The following CA10 variants were observed in gnomAD, a reference collection of about 807,000 sequenced individuals.
CA10 encodes carbonic anhydrase-related protein 10.
In CA10, 14 loss-of-function variants were observed where a neutral mutation model predicts 44.2. That is an observed-to-expected ratio of 0.32 (90% CI 0.21 to 0.50). The LOEUF (loss-of-function observed/expected upper bound fraction) is 0.50. Ranked by LOEUF, CA10 falls within the 20% of genes least tolerant of loss-of-function variation. The pLI, the probability that CA10 is intolerant of heterozygous loss-of-function variation, is 0.99. For synonymous variants in CA10, 159 were observed against 141.6 expected (o/e 1.12, Z -0.87); for missense variants, 350 against 409.7 (o/e 0.85, Z 1.26).
intron 4 of CA10, among the ~76,000 whole-genome samples, chr17:51,709,501 G>T (rs1294196954): frequency 6.6e-6 from 1 of 152,174 alleles, no homozygotes; most frequent in Non-Finnish European, 1.5e-5. Context: ...CCTTTGAAGT[G>T]CATTCATATC....
intron 4 of CA10, among the ~76,000 whole-genome samples, chr17:51,666,712 G>C (rs930402087): frequency 2.3e-5 from 3 of 127,984 alleles, no homozygotes; most frequent in Admixed American, 8.1e-5. Context: ...GAATATCTGA[G>C]TATTAATATT....
At chr17:51,689,729 C>A (rs1358121354) in intron 4 of CA10, among the ~76,000 whole-genome samples, 1 of 152,106 alleles carries the variant, frequency 6.6e-6, no homozygotes, top group Non-Finnish European at 1.5e-5. Flanking sequence ...AGGCAACATG[C>A]CTTTTCTTTC....
intron 3 of CA10, among the ~76,000 whole-genome samples, chr17:51,895,964 AAT>A (rs1981050043): frequency 1.3e-5 from 2 of 152,128 alleles, no homozygotes; most frequent in South Asian, 4.1e-4. Flanking sequence ...CAATATAATG[AAT>A]ATCAGTTGAA....
At chr17:52,032,688 A>G (rs757210102) in intron 2 of CA10, among the ~76,000 whole-genome samples, 24 of 152,304 alleles carry the variant, frequency 1.6e-4, no homozygotes, top group Non-Finnish European at 2.6e-4. Context: ...TGCATGACAA[A>G]GGAGTGGCTG....
chr17:52,021,834 C>T (rs182461070), intron 2 of CA10, among the ~76,000 whole-genome samples: 7 of 152,088 alleles, frequency 4.6e-5, no homozygotes, highest in African/African-American at 1.7e-4. Context: ...GAATGCACAA[C>T]CTTCAAATAT....
Position 51,887,768 on chromosome 17 carries a change from G to A in CA10, c.279+43222C>T, listed in dbSNP as rs187886999. Among the ~76,000 whole-genome samples the A allele has an allele frequency of 3.9e-3, 593 of 150,876 alleles. 3 individuals are homozygous for A. The highest frequency in any genetic ancestry group is 7.0e-3 in the Non-Finnish European group (473 of 67,838). On this transcript the variant is annotated intron_variant, in intron 3 of 8. Coordinates refer to ENST00000451037, the MANE Select transcript of CA10 (RefSeq NM_020178.5). ...GCACTTTGGGAGGCCAAGGCAGGTG[G>A]ATCATGAGGTCAGCAGTTCAAGACC...
intron 3 of CA10, among the ~76,000 whole-genome samples, chr17:51,874,689 A>G (rs9910831): frequency 0.023 from 3,431 of 152,330 alleles, 50 homozygotes; most frequent in Middle Eastern, 0.048. Flanking sequence ...TACCTCAAGC[A>G]ATAGCCCACT....
At chr17:52,138,690 C>T (rs1989411801) in intron 1 of CA10, among the ~76,000 whole-genome samples, 1 of 152,178 alleles carries the variant, frequency 6.6e-6, no homozygotes, top group Admixed American at 6.5e-5. Context: ...CAGTCCACAC[C>T]AGTGATGAGA....
At chr17:51,795,262 C>A (rs1906662759) in intron 3 of CA10, among the ~76,000 whole-genome samples, 1 of 151,056 alleles carries the variant, frequency 6.6e-6, no homozygotes, top group Admixed American at 6.6e-5. Context: ...TCTCTGGTGC[C>A]ATCTACACCA....
At chr17:51,779,942 T>G (rs1449337906) in intron 3 of CA10, among the ~76,000 whole-genome samples, 4 of 152,212 alleles carry the variant, frequency 2.6e-5, no homozygotes, top group Admixed American at 1.3e-4. Flanking sequence ...GGCTTGGCTT[T>G]GCCATATGTA....
At chr17:51,633,775 C>G (rs1384652704) in intron 7 of CA10, 125 bp from the exon 8 acceptor site, 3 of 985,276 alleles carry the variant, frequency 3.0e-6, no homozygotes, top group Non-Finnish European at 4.4e-6. Flanking sequence ...GCTGTATAAG[C>G]CCCACAGAGT....
At chr17:51,861,289 C>G (rs1184989942) in intron 3 of CA10, among the ~76,000 whole-genome samples, 2 of 152,092 alleles carry the variant, frequency 1.3e-5, no homozygotes, top group African/African-American at 4.8e-5. Flanking sequence ...TAACAGAAAT[C>G]TAATTCAGTT....
intron 2 of CA10, among the ~76,000 whole-genome samples, chr17:52,070,245 T>C (rs1319979233): frequency 6.6e-6 from 1 of 152,156 alleles, no homozygotes; most frequent in Non-Finnish European, 1.5e-5. Flanking sequence ...GTAGAAACCC[T>C]TGACCTTATA....
intron 3 of CA10, among the ~76,000 whole-genome samples, chr17:51,761,086 C>T (rs961584492): frequency 4.6e-5 from 7 of 152,250 alleles, no homozygotes; most frequent in South Asian, 2.1e-4. Context: ...CTCCCTTATG[C>T]GAACACAGCT....
chr17:51,719,217 C>T (rs533043396), intron 4 of CA10, among the ~76,000 whole-genome samples: 73 of 152,204 alleles, frequency 4.8e-4, no homozygotes, highest in Non-Finnish European at 9.8e-4. Context: ...TGATGCATGA[C>T]ATCGCCTGCA....
rs1257958889 is a variant in CA10, at chr17:52,150,176, C to T, written c.61+7550G>A. On this transcript the variant is annotated intron_variant, in intron 1 of 8. Transcript: ENST00000451037. Reference sequence around the variant, plus strand: ...TATGATCATCCATCTCTCATCACAACCCTCTTGGTTAAGTAGCCAAAATCT... The same window carrying T: ...TATGATCATCCATCTCTCATCACAATCCTCTTGGTTAAGTAGCCAAAATCT... Among the ~76,000 whole-genome samples, 4 of 152,228 alleles carry T rather than the reference C, an allele frequency of 2.6e-5. No homozygotes were observed. In the East Asian group the frequency reaches 7.7e-4, roughly 29 times the overall value.
intron 4 of CA10, among the ~76,000 whole-genome samples, chr17:51,658,668 T>C (rs1343174704): frequency 6.6e-6 from 1 of 152,128 alleles, no homozygotes; most frequent in Non-Finnish European, 1.5e-5. Flanking sequence ...TTGTAGACCA[T>C]GGTGAGGAGC....
chr17:51,893,663 A>G lies in CA10; in HGVS notation c.279+37327T>C, dbSNP rs554321599. Among the ~76,000 whole-genome samples the G allele has an allele frequency of 2.6e-5, 4 of 152,294 alleles. No homozygotes were observed. In the South Asian group the frequency reaches 8.3e-4, roughly 32 times the overall value. ...AGAATGAAACTAAAGTGCAAAATTG[A>G]ATTGTACGAACAATAGACACCATGA... is the stretch of plus-strand genomic sequence containing the variant. On this transcript the variant is annotated intron_variant, in intron 3 of 8. Coordinates refer to ENST00000451037, the MANE Select transcript of CA10 (RefSeq NM_020178.5).
intron 3 of CA10, among the ~76,000 whole-genome samples, chr17:51,829,185 G>A (rs539694644): frequency 3.6e-4 from 55 of 152,340 alleles, no homozygotes; most frequent in African/African-American, 1.3e-3. Context: ...AAAAACGTTT[G>A]CCAATCCTTG....
Sources: gnomAD v4.1 joint callset for allele counts (sites outside exome capture counted in the v4.1 genomes callset) on GRCh38, gnomAD v4.1.1 for gene constraint, MANE v1.5 for transcripts, NCBI Gene and HGNC (gene_info 2026-07-23, HGNC 2026-07-21) for gene names.